Variants in CDH18 observed in about 807,000 individuals in gnomAD.
CDH18 encodes the protein cadherin-18.
Under a neutral mutation model 67.9 loss-of-function variants are expected in CDH18, and 31 were observed. That is an observed-to-expected ratio of 0.46 (90% CI 0.34 to 0.62). CDH18 has a LOEUF of 0.62. Ranked by LOEUF, CDH18 falls within the 20% of genes least tolerant of loss-of-function variation. The pLI is 0.01. For missense variants in CDH18, 890 were observed against 975.5 expected (o/e 0.91, Z 1.17); for synonymous variants, 362 against 347.2 (o/e 1.04, Z -0.48).
intron 2 of CDH18, among the ~76,000 whole-genome samples, chr5:19,941,964 C>T (rs1054360762): frequency 9.2e-5 from 14 of 152,128 alleles, no homozygotes; most frequent in African/African-American, 2.4e-4. Context: ...TTGCACACTA[C>T]TGTCTCCCTT....
At chr5:19,767,754 C>G (rs1191312095) in intron 3 of CDH18, among the ~76,000 whole-genome samples, 1 of 152,028 alleles carries the variant, frequency 6.6e-6, no homozygotes, top group African/African-American at 2.4e-5. Context: ...AAAACAACCT[C>G]CAAATTATTT....
intron 4 of CDH18, among the ~76,000 whole-genome samples, chr5:19,745,234 TTTG>T (rs1769827727): frequency 6.6e-6 from 1 of 152,224 alleles, no homozygotes; most frequent in Non-Finnish European, 1.5e-5. Flanking sequence ...ATTGACTTTC[TTTG>T]TTGTTGTTAT....
chr5:19,976,355 AAC>A (rs1798499740), intron 2 of CDH18, among the ~76,000 whole-genome samples: 1 of 152,042 alleles, frequency 6.6e-6, no homozygotes, highest in Non-Finnish European at 1.5e-5. Context: ...TGAGGGGAAA[AAC>A]ACATTTTATC....
At chr5:20,255,437 G>T (rs1561916067) in intron 2 of CDH18, 1 of 151,964 alleles carries the variant, frequency 6.6e-6, no homozygotes, top group African/African-American at 2.4e-5. Context: ...GAAAGTATAA[G>T]TTTTACCTTT....
intron 1 of CDH18, among the ~76,000 whole-genome samples, chr5:20,537,706 G>A (rs1756808436): frequency 6.6e-6 from 1 of 151,800 alleles, no homozygotes; most frequent in African/African-American, 2.4e-5. Context: ...AGATCATCTG[G>A]CAAAATAAAA....
chr5:19,841,343 GGAAA>G (rs1225894116), intron 2 of CDH18, among the ~76,000 whole-genome samples: 1 of 152,032 alleles, frequency 6.6e-6, no homozygotes, highest in African/African-American at 2.4e-5. Flanking sequence ...CAAGAGCATT[GGAAA>G]GAGAGTCAGA....
intron 2 of CDH18, among the ~76,000 whole-genome samples, chr5:20,111,418 T>C (rs1235059365): frequency 6.6e-6 from 1 of 152,092 alleles, no homozygotes; most frequent in Non-Finnish European, 1.5e-5. Flanking sequence ...GGAGACCATA[T>C]TTGCAAGCCC....
intron 8 of CDH18, among the ~76,000 whole-genome samples, chr5:19,560,372 CTGATCTT>C (rs1238774221): frequency 6.6e-6 from 1 of 152,022 alleles, no homozygotes; most frequent in African/African-American, 2.4e-5. Context: ...ATACAGCCAA[CTGATCTT>C]TGACAAAGCA....
chr5:19,507,335 A>G (rs1744365628), intron 10 of CDH18, among the ~76,000 whole-genome samples: 1 of 152,196 alleles, frequency 6.6e-6, no homozygotes, highest in African/African-American at 2.4e-5. Context: ...ACCCTTGTGG[A>G]AGTCAGTGTG....
intron 2 of CDH18, among the ~76,000 whole-genome samples, chr5:20,250,812 A>G (rs1039810056): frequency 1.3e-5 from 2 of 150,106 alleles, no homozygotes; most frequent in Admixed American, 6.7e-5. Context: ...TACCATGTTG[A>G]CCAGGCTGGC....
chr5:19,499,436 T>A (rs796614562), intron 11 of CDH18, among the ~76,000 whole-genome samples: 1 of 152,156 alleles, frequency 6.6e-6, no homozygotes, highest in East Asian at 1.9e-4. Flanking sequence ...ATAATTAAAA[T>A]TAAAATTTCT....
chr5:19,692,387 T>G (rs1349721481), intron 5 of CDH18, among the ~76,000 whole-genome samples: 2 of 152,116 alleles, frequency 1.3e-5, no homozygotes, highest in East Asian at 3.9e-4. Flanking sequence ...CAAATGTGAC[T>G]ATATTAAACT....
At chr5:20,282,576 G>A (rs1426670125) in intron 1 of CDH18, among the ~76,000 whole-genome samples, 3 of 152,044 alleles carry the variant, frequency 2.0e-5, no homozygotes, top group African/African-American at 7.2e-5. Flanking sequence ...ACTTGATCAT[G>A]GTGGATAAGC....
chr5:19,617,743 G>A (rs1035534169), intron 5 of CDH18, among the ~76,000 whole-genome samples: 6 of 152,130 alleles, frequency 3.9e-5, no homozygotes, highest in Non-Finnish European at 7.3e-5. Flanking sequence ...GTAAACAATT[G>A]TAGGTGCCCG....
intron 5 of CDH18, among the ~76,000 whole-genome samples, chr5:19,701,041 A>G (rs1267331606): frequency 6.6e-6 from 1 of 152,156 alleles, no homozygotes; most frequent in Non-Finnish European, 1.5e-5. Flanking sequence ...GTGGTCAGTA[A>G]AATTATTGTA....
chr5:19,731,997 G>C (rs1352997306), intron 4 of CDH18, among the ~76,000 whole-genome samples: 2 of 151,836 alleles, frequency 1.3e-5, no homozygotes, highest in Admixed American at 6.6e-5. Flanking sequence ...GGCTGAGGTA[G>C]GATAATCAAT....
In CDH18 at chr5:19,994,855, T is replaced by TATATAGAGAG. The variant is rs760777430; in HGVS notation, c.-517-2842_-517-2841insCTCTCTATAT. ...ATATATATATATATATATATATATA[T>TATATAGAGAG]AGAGAGAGAGAGAGAGAGAGAGATG... On this transcript the variant is annotated intron_variant, in intron 2 of 14. Transcript: ENST00000507958. Among the ~76,000 whole-genome samples, 169 of 67,580 alleles carry TATATAGAGAG rather than the reference T, an allele frequency of 2.5e-3. 19 individuals are homozygous for TATATAGAGAG. Among genetic ancestry groups the TATATAGAGAG allele is most frequent in the East Asian group, 5.9e-3 (11 of 1,870 alleles). The allele number at this position is 67,580 out of a possible 152,430, so 44.3% of individuals were successfully genotyped here.
intron 2 of CDH18, among the ~76,000 whole-genome samples, chr5:19,955,929 G>T (rs948387678): frequency 5.3e-5 from 8 of 151,670 alleles, no homozygotes; most frequent in Non-Finnish European, 1.0e-4. Flanking sequence ...TTATCATAAG[G>T]AACTAAATTT....
chr5:20,362,189 CTT>C (rs939417901), intron 1 of CDH18, among the ~76,000 whole-genome samples: 1 of 152,138 alleles, frequency 6.6e-6, no homozygotes, highest in Non-Finnish European at 1.5e-5. Context: ...ATAATTCCCT[CTT>C]GAGAAATAGA....
Sources: allele counts gnomAD v4.1 joint callset (sites outside exome capture counted in the v4.1 genomes callset), GRCh38; gene constraint gnomAD v4.1.1; transcripts MANE v1.5; gene names NCBI Gene and HGNC (gene_info 2026-07-23, HGNC 2026-07-21).